The following CYP2C19 variants were observed in gnomAD, a reference collection of about 807,000 sequenced individuals.
CYP2C19 encodes cytochrome P450 family 2 subfamily C member 19.
A neutral mutation model predicts 40.9 loss-of-function variants in CYP2C19; 59 were observed. The observed-to-expected ratio is 1.44, with a 90% CI of 1.17 to 1.79. The LOEUF (loss-of-function observed/expected upper bound fraction) is 1.79. CYP2C19 is among the 40% of genes most tolerant of loss of function. CYP2C19 has a pLI of 0.00. For missense variants in CYP2C19, 754 were observed against 596.9 expected, an observed-to-expected ratio of 1.26 and a Z score of -2.74; for synonymous variants, 253 against 208.7, an observed-to-expected ratio of 1.21 and a Z score of -1.83.
intron 5 of CYP2C19, among the ~76,000 whole-genome samples, chr10:94,810,166 C>G (rs955552029): frequency 6.6e-6 from 1 of 152,042 alleles, no homozygotes; most frequent in Non-Finnish European, 1.5e-5. Context: ...AGGCGTGAGC[C>G]ACGTCGCCCG....
rs536604308 is a variant in CYP2C19 at position 94,824,225 on chromosome 10, A to G, written c.961+3588A>G. ...ACTGATATCATAAAAATTGTCATCT[A>G]AATATATTCTGGAAAAAGCAGTGTG... is the stretch of plus-strand genomic sequence containing the variant. On this transcript the variant is annotated intron_variant, in intron 6 of 8. Coordinates refer to ENST00000371321, the MANE Select transcript of CYP2C19 (RefSeq NM_000769.4). Among the ~76,000 whole-genome samples, 12 of 152,322 alleles carry G rather than the reference A, an allele frequency of 7.9e-5. No homozygotes were observed. The East Asian group carries it at 2.3e-3, about 29-fold the overall frequency.
intron 5 of CYP2C19, among the ~76,000 whole-genome samples, chr10:94,815,574 T>G (rs1848990015): frequency 6.6e-6 from 1 of 152,260 alleles, no homozygotes; most frequent in African/African-American, 2.4e-5. Flanking sequence ...TCTTGGCATA[T>G]GCCTTACCCT....
intron 5 of CYP2C19, among the ~76,000 whole-genome samples, chr10:94,800,625 C>A (rs1476910439): frequency 6.6e-6 from 1 of 152,032 alleles, no homozygotes; most frequent in Non-Finnish European, 1.5e-5. Flanking sequence ...ATGCCTTGCC[C>A]TGGATTCTAT....
chr10:94,766,328 G>A (rs931788891), intron 1 of CYP2C19, among the ~76,000 whole-genome samples: 1 of 152,022 alleles, frequency 6.6e-6, no homozygotes, highest in Non-Finnish European at 1.5e-5. Context: ...GAAGCAGGAG[G>A]GATAGATAGG....
At chr10:94,824,958 C>T (rs1013927801) in intron 6 of CYP2C19, among the ~76,000 whole-genome samples, 1 of 147,016 alleles carries the variant, frequency 6.8e-6, no homozygotes, top group African/African-American at 2.5e-5. Flanking sequence ...TTTCCAATTT[C>T]ATCCATGTCC....
chr10:94,767,025 A>T (rs1443056513), intron 1 of CYP2C19, among the ~76,000 whole-genome samples: 1 of 152,144 alleles, frequency 6.6e-6, no homozygotes, highest in Non-Finnish European at 1.5e-5. Context: ...ATATTTTGCC[A>T]AAGAAGTTAT....
intron 5 of CYP2C19, among the ~76,000 whole-genome samples, chr10:94,803,854 A>G (rs1848798519): frequency 6.6e-6 from 1 of 152,062 alleles, no homozygotes; most frequent in Admixed American, 6.6e-5. Context: ...GCTCAGGCTG[A>G]CAATCCAGGT....
chr10:94,839,097 C>T (rs1421218401), intron 6 of CYP2C19, among the ~76,000 whole-genome samples: 1 of 152,202 alleles, frequency 6.6e-6, no homozygotes, highest in Non-Finnish European at 1.5e-5. Flanking sequence ...AGTCCTAGAG[C>T]ATCCTCTATG....
At position 94,800,962 on chromosome 10, in the gene CYP2C19, A is replaced by T. The variant is rs116657900; in HGVS notation, c.819+18965A>T. On this transcript the variant is annotated intron_variant, in intron 5 of 8. Transcript: ENST00000371321. ...CACTAAGAAAGGGAAATCCCTTAAC[A>T]CCTTGCACTTCCTGGGTGAGGCAGT... 4.7e-3 allele frequency among the ~76,000 whole-genome samples: 711 copies of T among 152,034 alleles called. 3 individuals carry two copies. The highest frequency in any genetic ancestry group is 0.017 in the African/African-American group (688 of 41,464).
At chr10:94,812,197 T>C (rs1002529965) in intron 5 of CYP2C19, among the ~76,000 whole-genome samples, 5 of 152,212 alleles carry the variant, frequency 3.3e-5, no homozygotes, top group African/African-American at 1.2e-4. Flanking sequence ...ATGTTGAATA[T>C]TGGCCCCCAC....
intron 3 of CYP2C19, among the ~76,000 whole-genome samples, chr10:94,778,663 G>T (rs1266539616): frequency 1.3e-5 from 2 of 152,182 alleles, no homozygotes; most frequent in Admixed American, 1.3e-4. Context: ...TTACACTGTT[G>T]GTGGAAGTGT....
intron 8 of CYP2C19, among the ~76,000 whole-genome samples, chr10:94,850,325 A>T (rs17885052): frequency 0.073 from 11,076 of 152,204 alleles, 456 homozygotes; most frequent in South Asian, 0.12. Flanking sequence ...TACACCACTG[A>T]GGTACTCAAG....
At position 94,795,964 on chromosome 10, in the gene CYP2C19, T is replaced by G. The variant is rs186410134; in HGVS notation, c.819+13967T>G. 3.3e-5 allele frequency among the ~76,000 whole-genome samples: 5 copies of G among 152,330 alleles called. No homozygotes were observed. In the East Asian group the frequency reaches 9.6e-4, roughly 29 times the overall value. On this transcript the variant is annotated intron_variant, in intron 5 of 8. Transcript: ENST00000371321. ...TCTGTAGGTTGCCTATTCACTCTGA[T>G]GGTAGTTTCTTTTGCTGTGCAGAAT... is the stretch of plus-strand genomic sequence containing the variant.
intron 3 of CYP2C19, 160 bp downstream of exon 3, chr10:94,775,699 C>T (rs1848398595): frequency 2.5e-6 from 3 of 1,214,404 alleles, no homozygotes; most frequent in East Asian, 2.4e-5. Context: ...GGAATTTGCA[C>T]ATGTTTGTGC....
rs139470334 is a variant in CYP2C19 at position 94,799,331 on chromosome 10, C to G, written c.819+17334C>G. Among the ~76,000 whole-genome samples the G allele has an allele frequency of 4.6e-5, 7 of 151,772 alleles. No individual in the cohort carries two copies. The East Asian group carries it at 1.2e-3, about 25-fold the overall frequency. ...TCTTTAAGAATGTCAAATATTGGCCCTCACTCTCTTTTGGCTTGTATGGTT... is the reference window on the plus strand; with the variant it reads ...TCTTTAAGAATGTCAAATATTGGCCGTCACTCTCTTTTGGCTTGTATGGTT... On this transcript the variant is annotated intron_variant, in intron 5 of 8. Coordinates refer to ENST00000371321, the MANE Select transcript of CYP2C19 (RefSeq NM_000769.4).
At position 94,842,838 on chromosome 10, in the gene CYP2C19, T is replaced by A; in HGVS notation, c.963T>A (p.Ala321=). The A allele has an allele frequency of 6.2e-7, 1 of 1,614,160 alleles. No individual in the cohort carries two copies. Among genetic ancestry groups the A allele is most frequent in the African/African-American group, 1.3e-5 (1 of 75,048 alleles). Reference sequence around the variant, plus strand: ...CAGTTCTTACTTGTGTCTTGTCAGCTAAAGTCCAGGAAGAGATTGAACGTG... The same window carrying A: ...CAGTTCTTACTTGTGTCTTGTCAGCAAAAGTCCAGGAAGAGATTGAACGTG... The part of the protein sequence containing the change: ...LLLLKHPEVT[A]KVQEEIERVI... Residue 321 remains alanine, a splice_region_variant and synonymous_variant, in exon 7 of 9, where the codon GCT becomes GCA. Coordinates refer to ENST00000371321, the MANE Select transcript of CYP2C19 (RefSeq NM_000769.4).
At chr10:94,828,761 A>T (rs1849274499) in intron 6 of CYP2C19, among the ~76,000 whole-genome samples, 1 of 151,964 alleles carries the variant, frequency 6.6e-6, no homozygotes, top group Admixed American at 6.6e-5. Flanking sequence ...CCTAGACTCG[A>T]TGGTCTTTAC....
chr10:94,770,272 C>T (rs1848309437), intron 1 of CYP2C19, among the ~76,000 whole-genome samples: 1 of 152,144 alleles, frequency 6.6e-6, no homozygotes, highest in African/African-American at 2.4e-5. Flanking sequence ...GGGAAGTGTG[C>T]CTTCCAGTGA....
intron 6 of CYP2C19, among the ~76,000 whole-genome samples, chr10:94,828,148 G>A (rs1323316867): frequency 6.6e-6 from 1 of 152,110 alleles, no homozygotes; most frequent in Non-Finnish European, 1.5e-5. Flanking sequence ...TGTTGATTTG[G>A]GGTGGAGAGT....
Sources: allele counts gnomAD v4.1 joint callset (sites outside exome capture counted in the v4.1 genomes callset), GRCh38; gene constraint gnomAD v4.1.1; transcripts MANE v1.5; gene names NCBI Gene and HGNC (gene_info 2026-07-23, HGNC 2026-07-21).